Variants in CPLX2 observed in about 807,000 individuals in gnomAD.
CPLX2 encodes the protein complexin 2, also known as complexin-2.
CPLX2 carries 5 observed loss-of-function variants against 16.3 expected under a neutral mutation model. The ratio of observed to expected loss-of-function variants is 0.31; its 90% CI spans 0.16 to 0.64. The LOEUF (loss-of-function observed/expected upper bound fraction) is 0.64, where lower values mean the gene tolerates loss of function less well. Ranked by LOEUF, CPLX2 falls within the 30% of genes least tolerant of loss-of-function variation. The pLI is 0.79. For missense variants in CPLX2, 144 were observed against 181.4 expected (o/e 0.79, Z 1.18); for synonymous variants, 89 against 73.2 (o/e 1.22, Z -1.10).
At chr5:175,856,569 G>C (rs1759261394) in intron 2 of CPLX2, among the ~76,000 whole-genome samples, 1 of 152,230 alleles carries the variant, frequency 6.6e-6, no homozygotes, top group Admixed American at 6.5e-5. Flanking sequence ...CAAGGAGAAG[G>C]AGGAGAGGTG....
chr5:175,834,590 G>A (rs1758791018), intron 2 of CPLX2, among the ~76,000 whole-genome samples: 1 of 152,074 alleles, frequency 6.6e-6, no homozygotes, highest in African/African-American at 2.4e-5. Context: ...AAGTTTTGTG[G>A]AGCTGGGTGT....
At chr5:175,871,447 G>GAGAGAGAGAGAGAGAGAGAGAGAGAGAA (rs1759603654), upstream of CPLX2, 1 of 95,736 alleles carries the variant, frequency 1.0e-5, no homozygotes, top group African/African-American at 4.2e-5. Context: ...GAGAGAGAGA[G>GAGAGAGAGAGAGAGAGAGAGAGAGAGAA]AGAGAGAGAG....
chr5:175,844,646 C>G (rs1759008024), intron 2 of CPLX2, among the ~76,000 whole-genome samples: 1 of 152,254 alleles, frequency 6.6e-6, no homozygotes, highest in Non-Finnish European at 1.5e-5. Context: ...ACAGAGAGAA[C>G]AGCCATGGGG....
rs139896610 is a variant in CPLX2 at position 175,835,703 on chromosome 5, TTTTATTTA to T, written c.-89+26652_-89+26659del. Among the ~76,000 whole-genome samples the T allele has an allele frequency of 4.1e-3, 586 of 144,680 alleles. 7 individuals carry two copies. The highest frequency in any genetic ancestry group is 0.015 in the African/African-American group (557 of 38,078). 94.9% of individuals were successfully genotyped at this position (144,680 alleles called of 152,430 possible). A position where few individuals can be genotyped will look rare whatever the true frequency, so the allele number is the denominator to read the frequency against. ...AAGAGAAGTCTTTGTTGTAAGTGGT[TTTTATTTA>T]TTTATTTATTTATTTACTTTTTTTT... On this transcript the variant is annotated intron_variant, in intron 2 of 4. Coordinates refer to the CPLX2 transcript ENST00000359546.
At chr5:175,875,657 C>T (rs916929008) in intron 1 of CPLX2, among the ~76,000 whole-genome samples, 2 of 152,000 alleles carry the variant, frequency 1.3e-5, no homozygotes, top group African/African-American at 4.8e-5. Context: ...TACTTTCGCC[C>T]GTGAAGTGGA....
At chr5:175,850,298 C>T (rs1018427364) in intron 2 of CPLX2, among the ~76,000 whole-genome samples, 8 of 152,240 alleles carry the variant, frequency 5.3e-5, no homozygotes, top group South Asian at 2.1e-4. Context: ...GTATTTGGGC[C>T]GTGCCTTGAA....
At chr5:175,877,149 A>G (rs1387287498) in intron 1 of CPLX2, among the ~76,000 whole-genome samples, 1 of 151,856 alleles carries the variant, frequency 6.6e-6, no homozygotes, top group Non-Finnish European at 1.5e-5. Flanking sequence ...ACCCCCAGCC[A>G]GTAAGTATAG....
chr5:175,818,583 T>A lies in CPLX2; in HGVS notation c.-89+9515T>A, dbSNP rs191015286. 5.2e-3 allele frequency among the ~76,000 whole-genome samples: 759 copies of A among 146,206 alleles called. 9 individuals are homozygous for A. The highest frequency in any genetic ancestry group is 0.018 in the African/African-American group (726 of 39,858). ...CAGCTCGAGACACAGAAACTTGCCA[T>A]CACGGAAGCTCCCTTTGCTCCCCTT... On this transcript the variant is annotated intron_variant, in intron 2 of 4. Transcript: ENST00000359546.
intron 2 of CPLX2, among the ~76,000 whole-genome samples, chr5:175,813,709 T>C (rs1758354731): frequency 6.6e-6 from 1 of 152,220 alleles, no homozygotes; most frequent in Non-Finnish European, 1.5e-5. Flanking sequence ...CCATCGGGGA[T>C]CCATGAGACA....
intron 1 of CPLX2, among the ~76,000 whole-genome samples, chr5:175,877,449 T>C (rs932575174): frequency 3.3e-5 from 5 of 152,118 alleles, no homozygotes; most frequent in East Asian, 1.9e-4. Context: ...CCCAACAAGG[T>C]TGCAACATCT....
At chr5:175,860,811 AC>A (rs1480381570) in intron 2 of CPLX2, among the ~76,000 whole-genome samples, 4 of 152,090 alleles carry the variant, frequency 2.6e-5, no homozygotes, top group African/African-American at 9.7e-5. Flanking sequence ...CATAGAGTCA[AC>A]CCCACCCAAA....
chr5:175,828,015 T>C (rs1758651259), intron 2 of CPLX2, among the ~76,000 whole-genome samples: 1 of 152,206 alleles, frequency 6.6e-6, no homozygotes, highest in Admixed American at 6.5e-5. Flanking sequence ...CTCCAAAAAA[T>C]ACACTTCACT....
chr5:175,801,761 G>A (rs1006419948), intron 1 of CPLX2, among the ~76,000 whole-genome samples: 1 of 152,196 alleles, frequency 6.6e-6, no homozygotes, highest in South Asian at 2.1e-4. Context: ...AAATAAAAAC[G>A]GAGCAAAATG....
intron 2 of CPLX2, among the ~76,000 whole-genome samples, chr5:175,865,090 G>GCA (rs1292335340): frequency 0.018 from 2,797 of 151,256 alleles, 115 homozygotes; most frequent in African/African-American, 0.063. Flanking sequence ...GTGCGCGCGC[G>GCA]CACACACACA....
chr5:175,878,678 A>G lies in CPLX2; in HGVS notation c.-62A>G. 6.3e-7 allele frequency: 1 copy of G among 1,592,254 alleles called. No homozygotes were observed. The highest frequency in any genetic ancestry group is 8.6e-7 in the Non-Finnish European group (1 of 1,168,248). On this transcript the variant is annotated 5_prime_UTR_variant, in exon 2 of 4. Transcript: ENST00000393745. ...TTGTCACATCTTCCCAAGCCAGGCC[A>G]GCCAGGAGCGCTGCATGCAAATTCT...
intron 1 of CPLX2, among the ~76,000 whole-genome samples, chr5:175,805,885 C>T (rs1758190850): frequency 6.6e-6 from 1 of 152,208 alleles, no homozygotes. Context: ...CCGCTACACA[C>T]ACACCCAAGC....
intron 2 of CPLX2, among the ~76,000 whole-genome samples, chr5:175,852,510 T>C (rs569770406): frequency 3.3e-5 from 5 of 152,362 alleles, no homozygotes; most frequent in African/African-American, 1.2e-4. Context: ...TTGCTTTCTG[T>C]GCCAGGCACC....
chr5:175,852,299 T>C (rs993042891), intron 2 of CPLX2, among the ~76,000 whole-genome samples: 9 of 152,208 alleles, frequency 5.9e-5, no homozygotes, highest in Non-Finnish European at 1.3e-4. Context: ...ATTCTATTAT[T>C]CCCATTTTAA....
At chr5:175,863,459 C>T (rs1759408075) in intron 2 of CPLX2, among the ~76,000 whole-genome samples, 1 of 152,194 alleles carries the variant, frequency 6.6e-6, no homozygotes, top group Non-Finnish European at 1.5e-5. Flanking sequence ...GTCTGAATAT[C>T]CCTCTCTGAA....
Sources: gnomAD v4.1 joint callset for allele counts (sites outside exome capture counted in the v4.1 genomes callset) on GRCh38, gnomAD v4.1.1 for gene constraint, MANE v1.5 for transcripts, NCBI Gene and HGNC (gene_info 2026-07-23, HGNC 2026-07-21) for gene names.